Variants in CACNB4 observed in about 807,000 individuals in gnomAD.
The protein encoded by CACNB4 is voltage-dependent L-type calcium channel subunit beta-4.
CACNB4 carries 32 observed loss-of-function variants against 71.2 expected under a neutral mutation model. The observed-to-expected ratio is 0.45, with a 90% CI of 0.34 to 0.60. CACNB4 has a LOEUF of 0.60. Ranked by LOEUF, CACNB4 falls within the 20% of genes least tolerant of loss-of-function variation. The pLI is 0.01. For synonymous variants in CACNB4, 231 were observed against 236.9 expected (o/e 0.97, Z 0.23); for missense variants, 464 against 647.9 (o/e 0.72, Z 3.08).
chr2:151,943,560 G>T (rs192842891), intron 2 of CACNB4, among the ~76,000 whole-genome samples: 20 of 152,298 alleles, frequency 1.3e-4, no homozygotes, highest in African/African-American at 4.6e-4. Context: ...GAAAGGCATG[G>T]CTTAAAAGCA....
At chr2:151,879,338 A>G (rs143447875) in intron 4 of CACNB4, among the ~76,000 whole-genome samples, 255 of 152,318 alleles carry the variant, frequency 1.7e-3, no homozygotes, top group African/African-American at 5.7e-3. Context: ...GGAGGAATGA[A>G]TTTTTTGAGT....
In CACNB4 at chr2:152,071,918, G is replaced by C. The variant is rs370685519; in HGVS notation, c.147+26412C>G. Among the ~76,000 whole-genome samples, 14 of 152,280 alleles carry C rather than the reference G, an allele frequency of 9.2e-5. No homozygotes were observed. In the East Asian group the frequency reaches 2.3e-3, roughly 25 times the overall value. On this transcript the variant is annotated intron_variant, in intron 2 of 13. Transcript: ENST00000539935. ...CAATGTAAACCACTCCTGCCATTTA[G>C]GAACTGGTAGAGGTGATTTAATTTC...
intron 2 of CACNB4, among the ~76,000 whole-genome samples, chr2:151,963,654 T>C (rs1287370070): frequency 6.6e-6 from 1 of 152,192 alleles, no homozygotes; most frequent in Non-Finnish European, 1.5e-5. Context: ...AATGTAAAAA[T>C]GTTTTACAAT....
chr2:151,954,054 C>T (rs527418622), intron 2 of CACNB4, among the ~76,000 whole-genome samples: 1 of 152,184 alleles, frequency 6.6e-6, no homozygotes, highest in Non-Finnish European at 1.5e-5. Context: ...ACATGAATGA[C>T]CATGGGGATA....
At chr2:152,000,905 C>T (rs766670741) in intron 2 of CACNB4, among the ~76,000 whole-genome samples, 3 of 152,136 alleles carry the variant, frequency 2.0e-5, no homozygotes, top group South Asian at 2.1e-4. Flanking sequence ...GCTCTTCCAC[C>T]GTCACCGCCC....
intron 2 of CACNB4, among the ~76,000 whole-genome samples, chr2:152,083,299 C>T (rs1210682487): frequency 6.6e-6 from 1 of 151,462 alleles, no homozygotes; most frequent in Non-Finnish European, 1.5e-5. Context: ...ATTTAAAGCC[C>T]CATTAGCTGC....
chr2:151,852,236 A>ATT (rs1313367059), intron 12 of CACNB4: 1 of 152,214 alleles, frequency 6.6e-6, no homozygotes, highest in Non-Finnish European at 1.5e-5. Context: ...GGTAACTGTG[A>ATT]AGATTAGAGA....
chr2:151,870,371 A>G (rs548501851), intron 8 of CACNB4, 160 bp downstream of exon 8: 70 of 710,820 alleles, frequency 9.8e-5, no homozygotes, highest in Non-Finnish European at 1.6e-4. Flanking sequence ...GAAAGGGCAG[A>G]GGGCCTCATG....
chr2:151,872,510 G>A lies in CACNB4; in HGVS notation c.522-17C>T, dbSNP rs1358044822. On this transcript the variant is annotated splice_polypyrimidine_tract_variant and intron_variant, in intron 5 of 13. Transcript: ENST00000539935. ...CTTGATTTCCTAGGATATAGAAAAG[G>A]AACTAAAGACTCACTCCCCAGATTC... is the stretch of plus-strand genomic sequence containing the variant. The A allele has an allele frequency of 1.4e-6, 2 of 1,422,880 alleles. No homozygotes were observed. The highest frequency in any genetic ancestry group is 1.7e-4 in the Middle Eastern group (1 of 5,724). The allele number at this position is 1,422,880 out of a possible 1,614,324, so 88.1% of individuals were successfully genotyped here.
chr2:151,924,030 ATACATGCATACATACATACGT>A (rs2099859590), intron 2 of CACNB4, among the ~76,000 whole-genome samples: 1 of 149,370 alleles, frequency 6.7e-6, no homozygotes, highest in Non-Finnish European at 1.5e-5. Flanking sequence ...ACATGCATTT[ATACATGCATACATACATACGT>A]GCGTGTAATC....
chr2:151,970,163 T>G (rs2099872145), intron 2 of CACNB4: 1 of 152,220 alleles, frequency 6.6e-6, no homozygotes, highest in East Asian at 1.9e-4. Flanking sequence ...GAGCTTTAAA[T>G]TTTGCAAAGT....
intron 2 of CACNB4, among the ~76,000 whole-genome samples, chr2:151,979,510 C>T (rs2099874359): frequency 6.6e-6 from 1 of 151,686 alleles, no homozygotes; most frequent in African/African-American, 2.4e-5. Flanking sequence ...CATAAAGCCA[C>T]AATTTTCATG....
intron 2 of CACNB4, among the ~76,000 whole-genome samples, chr2:151,946,580 T>C (rs2099865673): frequency 6.6e-6 from 1 of 152,164 alleles, no homozygotes; most frequent in Admixed American, 6.5e-5. Flanking sequence ...ATCATCAATT[T>C]AGCAAAATTC....
chr2:151,882,016 G>T lies in CACNB4; in HGVS notation c.268-1094C>A, dbSNP rs543884619. 7.3e-5 allele frequency among the ~76,000 whole-genome samples: 11 copies of T among 151,302 alleles called. No homozygotes were observed. In the East Asian group the frequency reaches 2.2e-3, roughly 30 times the overall value. ...TTGCCTCTGCCTCCCGAGTAGCTGG[G>T]ATTACAGGTGCACACCACCACGCCC... On this transcript the variant is annotated intron_variant, in intron 3 of 13. Transcript: ENST00000539935.
chr2:152,023,005 T>C (rs112025681), intron 2 of CACNB4, among the ~76,000 whole-genome samples: 2 of 152,158 alleles, frequency 1.3e-5, no homozygotes, highest in African/African-American at 4.8e-5. Flanking sequence ...AGAGGTGTCA[T>C]TGACTCACAG....
chr2:151,915,471 C>T (rs999800480), intron 2 of CACNB4, among the ~76,000 whole-genome samples: 3 of 152,244 alleles, frequency 2.0e-5, no homozygotes, highest in Admixed American at 6.5e-5. Context: ...AGACAGCAGG[C>T]AGCCACAGTG....
chr2:152,091,089 C>T (rs1047156383), intron 2 of CACNB4, among the ~76,000 whole-genome samples: 9 of 151,482 alleles, frequency 5.9e-5, no homozygotes, highest in Admixed American at 5.9e-4. Context: ...CCATCAGGAA[C>T]AGAGACTCAG....
intron 2 of CACNB4, among the ~76,000 whole-genome samples, chr2:151,998,052 G>A (rs1332837821): frequency 6.6e-6 from 1 of 152,188 alleles, no homozygotes; most frequent in Non-Finnish European, 1.5e-5. Context: ...GCTGGGCATG[G>A]TGGCTCATGT....
chr2:151,941,275 A>ATTTTTTTTTTTTTTTTTTTTTTT, intron 2 of CACNB4, among the ~76,000 whole-genome samples: 1 of 112,302 alleles, frequency 8.9e-6, no homozygotes, highest in African/African-American at 3.5e-5. Context: ...AAAATGGTTA[A>ATTTTTTTTTTTTTTTTTTTTTTT]TTTTTTTTTT....
Sources: gnomAD v4.1 joint callset for allele counts (sites outside exome capture counted in the v4.1 genomes callset) on GRCh38, gnomAD v4.1.1 for gene constraint, MANE v1.5 for transcripts, NCBI Gene and HGNC (gene_info 2026-07-23, HGNC 2026-07-21) for gene names.